MYRIP: variants seen among roughly 807,000 people sequenced by gnomAD.
MYRIP encodes myosin VIIA and Rab interacting protein.
A neutral mutation model predicts 98.0 loss-of-function variants in MYRIP; 49 were observed. The ratio of observed to expected loss-of-function variants is 0.50; its 90% CI spans 0.40 to 0.63. MYRIP has a LOEUF of 0.63. MYRIP is among the 30% of genes least tolerant of loss of function. The pLI is 0.00. For synonymous variants in MYRIP, 404 were observed against 409.5 expected (o/e 0.99, Z 0.16); for missense variants, 1,004 against 1,058.2 (o/e 0.95, Z 0.71).
intron 2 of MYRIP, among the ~76,000 whole-genome samples, chr3:40,009,305 C>T (rs904105183): frequency 1.4e-5 from 2 of 147,976 alleles, no homozygotes; most frequent in African/African-American, 2.5e-5. Flanking sequence ...GGTGTGATCT[C>T]GGCTCCCTGC....
chr3:40,089,404 C>T (rs1209262981), intron 3 of MYRIP, among the ~76,000 whole-genome samples: 1 of 152,190 alleles, frequency 6.6e-6, no homozygotes, highest in Non-Finnish European at 1.5e-5. Flanking sequence ...GAAATTGATG[C>T]ATACAGAGGC....
At chr3:39,867,182 G>A (rs2125625587) in intron 1 of MYRIP, among the ~76,000 whole-genome samples, 1 of 152,248 alleles carries the variant, frequency 6.6e-6, no homozygotes, top group South Asian at 2.1e-4. Flanking sequence ...TTAACTCAAG[G>A]TGGATTAAAG....
At chr3:40,132,505 C>T (rs149185589) in intron 3 of MYRIP, among the ~76,000 whole-genome samples, 31 of 152,306 alleles carry the variant, frequency 2.0e-4, no homozygotes, top group African/African-American at 6.7e-4. Context: ...TCCAGAAGCC[C>T]AAGAGCTCTG....
intron 12 of MYRIP, chr3:40,242,482 T>G (rs892757133): frequency 1.4e-5 from 2 of 147,790 alleles, no homozygotes; most frequent in Non-Finnish European, 2.9e-5. Context: ...TTCATCTTGC[T>G]TTGTCTTGGC....
intron 3 of MYRIP, among the ~76,000 whole-genome samples, chr3:40,072,504 G>A (rs1044975745): frequency 5.9e-5 from 9 of 152,122 alleles, no homozygotes; most frequent in African/African-American, 2.2e-4. Flanking sequence ...ACCGCGCCCA[G>A]CCTGCATTTT....
At chr3:39,903,481 GTGT>G (rs1357142436) in intron 2 of MYRIP, among the ~76,000 whole-genome samples, 1 of 152,162 alleles carries the variant, frequency 6.6e-6, no homozygotes, top group Admixed American at 6.5e-5. Context: ...AGCTTATCCA[GTGT>G]TTATAATGAT....
chr3:40,060,400 G>C (rs1358821152), intron 3 of MYRIP, among the ~76,000 whole-genome samples: 4 of 151,928 alleles, frequency 2.6e-5, no homozygotes, highest in Non-Finnish European at 4.4e-5. Flanking sequence ...ACTATGTTTT[G>C]CTTGAACTCA....
At chr3:39,954,910 A>G (rs1945116764) in intron 2 of MYRIP, among the ~76,000 whole-genome samples, 1 of 152,182 alleles carries the variant, frequency 6.6e-6, no homozygotes, top group Non-Finnish European at 1.5e-5. Context: ...GATCAAGTGG[A>G]AGAAAGGGTA....
chr3:39,943,607 A>G (rs1253867782), intron 2 of MYRIP, among the ~76,000 whole-genome samples: 2 of 152,150 alleles, frequency 1.3e-5, no homozygotes, highest in Non-Finnish European at 2.9e-5. Flanking sequence ...AGATCAGTAC[A>G]TCCCCCTCTT....
chr3:40,033,393 T>C (rs1293612569), intron 2 of MYRIP, among the ~76,000 whole-genome samples: 1 of 151,988 alleles, frequency 6.6e-6, no homozygotes, highest in Non-Finnish European at 1.5e-5. Context: ...AAAATCAATG[T>C]ACAAAAATCA....
At chr3:40,132,128 G>T (rs1371149840) in intron 3 of MYRIP, among the ~76,000 whole-genome samples, 2 of 151,988 alleles carry the variant, frequency 1.3e-5, no homozygotes, top group East Asian at 1.9e-4. Flanking sequence ...TCCCAGAGCT[G>T]GGAATTAGGG....
chr3:40,202,906 C>CTTACTTATTTAT (rs369594921), intron 10 of MYRIP, among the ~76,000 whole-genome samples: 5,715 of 142,410 alleles, frequency 0.04, 138 homozygotes, highest in East Asian at 0.066. Flanking sequence ...CCTCCATTTA[C>CTTACTTATTTAT]TTATTTATTT....
chr3:39,846,297 T>C (rs1941963395), intron 1 of MYRIP, among the ~76,000 whole-genome samples: 1 of 152,146 alleles, frequency 6.6e-6, no homozygotes, highest in Non-Finnish European at 1.5e-5. Context: ...AGTTCATTAA[T>C]TTCCACAAGA....
At chr3:40,167,005 A>C in intron 6 of MYRIP, 62 bp downstream of exon 6, 2 of 1,424,038 alleles carry the variant, frequency 1.4e-6, no homozygotes, top group East Asian at 2.3e-5. Flanking sequence ...TGCTGCCAGG[A>C]GAAAGTGCAG....
intron 2 of MYRIP, among the ~76,000 whole-genome samples, chr3:39,953,352 T>C (rs1945073931): frequency 6.6e-6 from 1 of 152,240 alleles, no homozygotes. Context: ...GATAATTTTT[T>C]CTAGTTTTAA....
At chr3:39,960,693 C>T (rs945019074) in intron 2 of MYRIP, among the ~76,000 whole-genome samples, 1 of 152,148 alleles carries the variant, frequency 6.6e-6, no homozygotes, top group Non-Finnish European at 1.5e-5. Context: ...GGCAAAGTTA[C>T]AACTTTAAAG....
Position 40,251,998 on chromosome 3 carries a change from T to A in MYRIP, c.2546T>A (p.Met849Lys). The change falls in exon 16 of 17, where the codon ATG becomes AAG. Residue 849 changes from methionine to lysine, a missense_variant and splice_region_variant. Met to Lys is a moderately conservative substitution (Grantham distance 95, BLOSUM62 -1). Transcript: ENST00000302541. The part of the protein sequence containing the change: ...KERKGTTKDL[M>K]EPALESAVMY ...AGGAAAGGCACCACCAAGGATTTGA[T>A]GGTAAATGTCATCTCTGTCTTAATG... The A allele has an allele frequency of 6.3e-7, 1 of 1,593,524 alleles. No individual in the cohort carries two copies. Among genetic ancestry groups the A allele is most frequent in the Non-Finnish European group, 8.6e-7 (1 of 1,161,308 alleles).
At chr3:39,844,561 C>T (rs747553326) in intron 1 of MYRIP, among the ~76,000 whole-genome samples, 1 of 152,186 alleles carries the variant, frequency 6.6e-6, no homozygotes, top group South Asian at 2.1e-4. Context: ...TCTGGAACTG[C>T]TTGGGCCTGA....
At chr3:39,998,288 A>C (rs9878011) in intron 2 of MYRIP, among the ~76,000 whole-genome samples, 3 of 152,136 alleles carry the variant, frequency 2.0e-5, no homozygotes, top group Non-Finnish European at 2.9e-5. Context: ...AAACACCATC[A>C]TCTCAGCCCA....
Sources: gnomAD v4.1 joint callset for allele counts (sites outside exome capture counted in the v4.1 genomes callset) on GRCh38, gnomAD v4.1.1 for gene constraint, MANE v1.5 for transcripts, NCBI Gene and HGNC (gene_info 2026-07-23, HGNC 2026-07-21) for gene names.